Variants in ANKRD36C observed in about 807,000 individuals in gnomAD.
ANKRD36C encodes ankyrin repeat domain 36C.
Under a neutral mutation model 276.4 loss-of-function variants are expected in ANKRD36C, and 61 were observed. The ratio of observed to expected loss-of-function variants is 0.22; its 90% CI spans 0.18 to 0.27. The LOEUF (loss-of-function observed/expected upper bound fraction) is 0.27, where lower values mean the gene tolerates loss of function less well. Ranked by LOEUF, ANKRD36C falls within the 10% of genes least tolerant of loss-of-function variation. ANKRD36C has a pLI of 1.00. For missense variants in ANKRD36C, 1,447 were observed against 2,032.3 expected, an observed-to-expected ratio of 0.71 and a Z score of 5.54; for synonymous variants, 483 against 680.1, an observed-to-expected ratio of 0.71 and a Z score of 4.51.
intron 59 of ANKRD36C, among the ~76,000 whole-genome samples, chr2:95,871,550 C>T (rs1675812529): frequency 1.3e-5 from 2 of 151,996 alleles, no homozygotes; most frequent in African/African-American, 4.8e-5. Flanking sequence ...CGGTACCAGC[C>T]ACTGCAAAAT....
chr2:95,971,146 A>G (rs1463974406), intron 6 of ANKRD36C, among the ~76,000 whole-genome samples: 1 of 152,178 alleles, frequency 6.6e-6, no homozygotes, highest in Non-Finnish European at 1.5e-5. Context: ...ACATATCAAA[A>G]CTATGGGGAC....
chr2:95,897,528 C>G (rs1358764217), intron 44 of ANKRD36C, 63 bp from the exon 59 acceptor site: 3 of 1,511,364 alleles, frequency 2.0e-6, no homozygotes, highest in Non-Finnish European at 2.7e-6. Flanking sequence ...TCCACATATT[C>G]ATGCAGTGTT....
exon 65 of ANKRD36C, chr2:95,852,129 T>C (rs536756336): frequency 2.8e-5 from 45 of 1,608,142 alleles, no homozygotes; most frequent in Non-Finnish European, 3.4e-5. Flanking sequence ...ATTTTACTTT[T>C]GTGCGTCGCC....
At chr2:95,967,370 A>G (rs1678613390) in intron 6 of ANKRD36C, among the ~76,000 whole-genome samples, 1 of 152,192 alleles carries the variant, frequency 6.6e-6, no homozygotes, top group Non-Finnish European at 1.5e-5. Flanking sequence ...TTATGCAGCC[A>G]AGAAACATCT....
intron 6 of ANKRD36C, among the ~76,000 whole-genome samples, chr2:95,973,763 C>A (rs1157016292): frequency 6.6e-6 from 1 of 152,068 alleles, no homozygotes; most frequent in African/African-American, 2.4e-5. Flanking sequence ...AAGTTATAGA[C>A]CAGCACGATG....
chr2:95,919,934 G>T lies in ANKRD36C; in HGVS notation c.2245+1673C>A. ...TCTGAGAAGACACTGAAAAGCAAAA[G>T]GGATACATAATCACTCATATATAAA... On this transcript the variant is annotated intron_variant, in intron 34 of 66. Transcript: ENST00000456556. The T allele has an allele frequency of 1.3e-6, 2 of 1,539,282 alleles. No homozygotes were observed. Among genetic ancestry groups the T allele is most frequent in the Non-Finnish European group, 1.7e-6 (2 of 1,142,960 alleles).
chr2:95,987,166 T>C, exon 2 of ANKRD36C: 1 of 1,549,268 alleles, frequency 6.5e-7, no homozygotes, highest in Non-Finnish European at 8.7e-7. Context: ...AGATGTACCA[T>C]TTCCGGTTGG....
chr2:95,888,068 C>T lies in ANKRD36C; in HGVS notation c.2988+24G>A, dbSNP rs185925771. Reference sequence around the variant, plus strand: ...CATAGACCACACAGTTAATAGTTCACAATATAAATGACAGTTTAATTACCT... The same window carrying T: ...CATAGACCACACAGTTAATAGTTCATAATATAAATGACAGTTTAATTACCT... On this transcript the variant is annotated intron_variant, in intron 49 of 66. Transcript: ENST00000456556. The T allele has an allele frequency of 1.1e-4, 177 of 1,609,694 alleles. No homozygotes were observed. The African/African-American group carries it at 2.0e-3, about 18-fold the overall frequency.
rs1369411147 is a variant in ANKRD36C, at chr2:95,889,782, T to C, written c.2959+17A>G. 1 of 1,575,014 alleles carries C rather than the reference T, an allele frequency of 6.3e-7. No homozygotes were observed. The highest frequency in any genetic ancestry group is 8.6e-7 in the Non-Finnish European group (1 of 1,158,558). On this transcript the variant is annotated intron_variant, in intron 48 of 66. Transcript: ENST00000456556. ...TATCTTGAACGAACATCCTATTAAA[T>C]GTGTTTGCAAAATTACCTGTCCCAG... is the stretch of plus-strand genomic sequence containing the variant.
Position 95,927,208 on chromosome 2 carries a change from A to T in ANKRD36C, c.1939+6T>A. On this transcript the variant is annotated splice_donor_region_variant and intron_variant, in intron 28 of 66. Transcript: ENST00000456556. The stretch of plus-strand genomic sequence containing the variant: ...ACATGACATTAAATGTGTTTTGCAA[A>T]ATTACCTGTCCCAGATTGTTGTCCC... 6.2e-7 allele frequency: 1 copy of T among 1,609,752 alleles called. No homozygotes were observed. Among genetic ancestry groups the T allele is most frequent in the Non-Finnish European group, 8.5e-7 (1 of 1,177,716 alleles).
chr2:95,870,323 G>A (rs1675776447), intron 59 of ANKRD36C, among the ~76,000 whole-genome samples: 1 of 152,182 alleles, frequency 6.6e-6, no homozygotes, highest in African/African-American at 2.4e-5. Flanking sequence ...AAAACTCCCA[G>A]AGGAACGATC....
chr2:95,963,563 T>C (rs1455548958), intron 6 of ANKRD36C, among the ~76,000 whole-genome samples: 3 of 135,114 alleles, frequency 2.2e-5, no homozygotes, highest in Non-Finnish European at 4.7e-5. Flanking sequence ...TGATTCCCAA[T>C]AGTAACAAAG....
intron 12 of ANKRD36C, 115 bp from the exon 13 acceptor site, chr2:95,956,931 A>T: frequency 1.0e-6 from 1 of 990,192 alleles, no homozygotes; most frequent in African/African-American, 1.6e-5. Context: ...CAAAAGGCTG[A>T]GGCAGAAATA....
intron 8 of ANKRD36C, among the ~76,000 whole-genome samples, chr2:95,961,143 C>G (rs1420879111): frequency 6.6e-6 from 1 of 152,158 alleles, no homozygotes; most frequent in Admixed American, 6.6e-5. Context: ...GACAATGGCA[C>G]TTTAGTTGAA....
chr2:95,986,178 A>C (rs2924072), intron 3 of ANKRD36C, among the ~76,000 whole-genome samples: 60,090 of 150,472 alleles, frequency 0.4, 13,082 homozygotes, highest in African/African-American at 0.56. Context: ...ACACAAAAAC[A>C]CTCTCCACAG....
chr2:95,896,556 A>G (rs1676557687), intron 44 of ANKRD36C, among the ~76,000 whole-genome samples: 1 of 149,172 alleles, frequency 6.7e-6, no homozygotes, highest in Non-Finnish European at 1.5e-5. Flanking sequence ...AGATTATCTC[A>G]TTTTTATAAC....
intron 59 of ANKRD36C, among the ~76,000 whole-genome samples, chr2:95,875,019 G>A (rs1675910589): frequency 6.6e-6 from 1 of 152,170 alleles, no homozygotes; most frequent in African/African-American, 2.4e-5. Context: ...TCATTAAAAA[G>A]TCTGCAAACA....
intron 6 of ANKRD36C, among the ~76,000 whole-genome samples, chr2:95,964,005 ATATATATATGTGTG>A (rs1373147681): frequency 0.29 from 10,626 of 37,096 alleles, 826 homozygotes; most frequent in South Asian, 0.35. Flanking sequence ...ATATATATAT[ATATATATATGTGTG>A]TGTGTGTCAT....
At chr2:95,969,886 C>T (rs1573811584) in intron 6 of ANKRD36C, among the ~76,000 whole-genome samples, 1 of 151,706 alleles carries the variant, frequency 6.6e-6, no homozygotes, top group Admixed American at 6.6e-5. Context: ...TCTTATTGTG[C>T]CTAATTTATG....
Sources: gnomAD v4.1 joint callset for allele counts (sites outside exome capture counted in the v4.1 genomes callset) on GRCh38, gnomAD v4.1.1 for gene constraint, MANE v1.5 for transcripts, NCBI Gene and HGNC (gene_info 2026-07-23, HGNC 2026-07-21) for gene names.